Variants in ARHGAP18 observed in about 807,000 individuals in gnomAD.
ARHGAP18 encodes the protein Rho GTPase activating protein 18.
A neutral mutation model predicts 86.2 loss-of-function variants in ARHGAP18; 67 were observed. The observed-to-expected ratio is 0.78, with a 90% CI of 0.64 to 0.95. The LOEUF is 0.95. Among genes scored for constraint, ARHGAP18 ranks in the 40% least tolerant of loss-of-function variants. ARHGAP18 has a pLI of 0.00. For missense variants in ARHGAP18, 691 were observed against 780.4 expected (o/e 0.89, Z 1.37); for synonymous variants, 283 against 280.4 (o/e 1.01, Z -0.09).
intron 1 of ARHGAP18, among the ~76,000 whole-genome samples, chr6:129,684,978 A>C (rs1047124972): frequency 3.3e-5 from 5 of 152,172 alleles, no homozygotes; most frequent in African/African-American, 9.7e-5. Context: ...GGCAAATCCA[A>C]TATGCAAGGT....
chr6:129,650,711 C>T (rs1773691667), intron 1 of ARHGAP18, among the ~76,000 whole-genome samples: 2 of 152,198 alleles, frequency 1.3e-5, no homozygotes. Context: ...TTGCATCCAC[C>T]TGATACCCTG....
At chr6:129,679,330 C>T (rs1281049731) in intron 1 of ARHGAP18, among the ~76,000 whole-genome samples, 3 of 152,172 alleles carry the variant, frequency 2.0e-5, no homozygotes, top group Non-Finnish European at 4.4e-5. Context: ...CATTATTTAT[C>T]TATCACCAAC....
chr6:129,580,179 C>A lies in ARHGAP18; in HGVS notation c.1839-48G>T, dbSNP rs752715530. The stretch of plus-strand genomic sequence containing the variant: ...ATTAGTTGTATCATCAAACAGCTTG[C>A]AAGTAAATCACTTTAACGTGCTTGG... On this transcript the variant is annotated intron_variant, in intron 13 of 14. Transcript: ENST00000368149. The A allele has an allele frequency of 4.6e-6, 7 of 1,521,004 alleles. No homozygotes were observed. The East Asian group carries it at 6.8e-5, about 15-fold the overall frequency. The allele number at this position is 1,521,004 out of a possible 1,614,324, so 94.2% of individuals were successfully genotyped here. A position where few individuals can be genotyped will look rare whatever the true frequency, so the allele number is the denominator to read the frequency against.
chr6:129,659,619 C>T (rs1179670416), intron 1 of ARHGAP18, among the ~76,000 whole-genome samples: 1 of 152,186 alleles, frequency 6.6e-6, no homozygotes, highest in Non-Finnish European at 1.5e-5. Flanking sequence ...AGGCACTCGC[C>T]ACCACACCCT....
At chr6:129,671,908 C>A (rs951872118) in intron 1 of ARHGAP18, among the ~76,000 whole-genome samples, 1 of 152,112 alleles carries the variant, frequency 6.6e-6, no homozygotes, top group Non-Finnish European at 1.5e-5. Flanking sequence ...AACACCCCCA[C>A]AAATTCTCAA....
At chr6:129,677,099 G>T (rs1214518915) in intron 1 of ARHGAP18, among the ~76,000 whole-genome samples, 1 of 151,858 alleles carries the variant, frequency 6.6e-6, no homozygotes, top group African/African-American at 2.4e-5. Context: ...TAAATAAAAA[G>T]TTGCTTATGT....
chr6:129,649,303 C>A (rs1773651650), intron 1 of ARHGAP18, among the ~76,000 whole-genome samples: 1 of 152,144 alleles, frequency 6.6e-6, no homozygotes, highest in Non-Finnish European at 1.5e-5. Flanking sequence ...CGCCTGTAAT[C>A]CCAGCACTTC....
At chr6:129,688,478 C>T (rs995339713) in intron 1 of ARHGAP18, among the ~76,000 whole-genome samples, 2 of 152,204 alleles carry the variant, frequency 1.3e-5, no homozygotes, top group East Asian at 3.8e-4. Context: ...CAAGGAGTTA[C>T]CACAGCACAG....
At position 129,666,944 on chromosome 6, in the gene ARHGAP18, T is replaced by C. The variant is rs73592479; in HGVS notation, c.114-24926A>G. On this transcript the variant is annotated intron_variant, in intron 1 of 14. Transcript: ENST00000368149. ...CTTCCTTTAAATCTGGGATGAAGCA[T>C]AGATTTTTTATACAGAGGGTCAAAT... 6.4e-3 allele frequency among the ~76,000 whole-genome samples: 976 copies of C among 152,282 alleles called. 12 individuals carry two copies. The highest frequency in any genetic ancestry group is 0.022 in the African/African-American group (907 of 41,538).
chr6:129,617,484 G>A (rs1241538979), intron 6 of ARHGAP18, among the ~76,000 whole-genome samples: 1 of 152,144 alleles, frequency 6.6e-6, no homozygotes, highest in Non-Finnish European at 1.5e-5. Flanking sequence ...CAATCTCAAG[G>A]ATGCCAAGGG....
intron 14 of ARHGAP18, 98 bp downstream of exon 14, chr6:129,579,972 T>C: frequency 9.8e-7 from 1 of 1,018,182 alleles, no homozygotes; most frequent in South Asian, 1.5e-5. Context: ...TGGTATATTT[T>C]ACTTCTAATT....
rs563793057 is a variant in ARHGAP18 at position 129,619,821 on chromosome 6, G to C, written c.787-969C>G. On this transcript the variant is annotated intron_variant, in intron 5 of 14. Coordinates refer to ENST00000368149, the MANE Select transcript of ARHGAP18 (RefSeq NM_033515.3). ...TGGTCCAGAAAGGCTACAGCCCATTGGGGTAAGAGGGACACAGGGGAAACG... is the reference window on the plus strand; with the variant it reads ...TGGTCCAGAAAGGCTACAGCCCATTCGGGTAAGAGGGACACAGGGGAAACG... Among the ~76,000 whole-genome samples, 4 of 152,016 alleles carry C rather than the reference G, an allele frequency of 2.6e-5. No homozygotes were observed. In the East Asian group the frequency reaches 7.7e-4, roughly 29 times the overall value.
intron 12 of ARHGAP18, among the ~76,000 whole-genome samples, chr6:129,588,432 T>C (rs1399623473): frequency 6.6e-6 from 1 of 151,600 alleles, no homozygotes; most frequent in Non-Finnish European, 1.5e-5. Context: ...AATATTAAAG[T>C]TCTAAAATGA....
intron 1 of ARHGAP18, among the ~76,000 whole-genome samples, chr6:129,697,703 G>T (rs1774643185): frequency 6.6e-6 from 1 of 152,114 alleles, no homozygotes; most frequent in Non-Finnish European, 1.5e-5. Context: ...AAATAATTCA[G>T]AAATGCTGTA....
chr6:129,623,618 G>C (rs929493598), intron 5 of ARHGAP18, among the ~76,000 whole-genome samples: 2 of 152,136 alleles, frequency 1.3e-5, no homozygotes, highest in Non-Finnish European at 2.9e-5. Flanking sequence ...AACAGAAATG[G>C]AACTTAAGGT....
rs1361556784 is a variant in ARHGAP18, at chr6:129,625,429, A to T, written c.786+3924T>A. 4.5e-5 allele frequency among the ~76,000 whole-genome samples: 3 copies of T among 66,478 alleles called. 1 individual carries two copies. Among genetic ancestry groups the T allele is most frequent in the Non-Finnish European group, 7.1e-5 (3 of 42,514 alleles). The allele number at this position is 66,478 out of a possible 152,430, so 43.6% of individuals were successfully genotyped here. On this transcript the variant is annotated intron_variant, in intron 5 of 14. Transcript: ENST00000368149. ...TTATATATTATATATAATATATATT[A>T]TATATAATATATATTTTATATTATA... is the stretch of plus-strand genomic sequence containing the variant.
intron 11 of ARHGAP18, among the ~76,000 whole-genome samples, chr6:129,599,976 C>A (rs1434706670): frequency 6.6e-6 from 1 of 152,018 alleles, no homozygotes; most frequent in African/African-American, 2.4e-5. Flanking sequence ...CATTTGAAAT[C>A]ATCTACATCA....
At chr6:129,606,885 G>C (rs867476611) in intron 9 of ARHGAP18, among the ~76,000 whole-genome samples, 7 of 149,590 alleles carry the variant, frequency 4.7e-5, no homozygotes, top group Non-Finnish European at 8.9e-5. Context: ...TTTTGAGTCA[G>C]AGTCTCACTC....
intron 1 of ARHGAP18, among the ~76,000 whole-genome samples, chr6:129,685,216 G>A (rs1584112919): frequency 6.6e-6 from 1 of 152,056 alleles, no homozygotes; most frequent in Non-Finnish European, 1.5e-5. Context: ...ATAGAATCAT[G>A]AAATATAGGG....
Sources: allele counts gnomAD v4.1 joint callset (sites outside exome capture counted in the v4.1 genomes callset), GRCh38; gene constraint gnomAD v4.1.1; transcripts MANE v1.5; gene names NCBI Gene and HGNC (gene_info 2026-07-23, HGNC 2026-07-21).